The following BRWD1 variants were observed in gnomAD, a reference collection of about 807,000 sequenced individuals.
The protein encoded by BRWD1 is bromodomain and WD repeat domain containing 1.
In BRWD1, 82 loss-of-function variants were observed where a neutral mutation model predicts 251.2. The observed-to-expected ratio is 0.33, with a 90% CI of 0.27 to 0.39. The LOEUF is 0.39. BRWD1 is among the 10% of genes least tolerant of loss of function. The pLI is 1.00. For synonymous variants in BRWD1, 918 were observed against 902.8 expected (o/e 1.02, Z -0.30); for missense variants, 2,233 against 2,711.6 (o/e 0.82, Z 3.92).
chr21:39,219,071 G>A (rs2033067232), intron 29 of BRWD1, among the ~76,000 whole-genome samples: 1 of 151,842 alleles, frequency 6.6e-6, no homozygotes, highest in African/African-American at 2.4e-5. Flanking sequence ...CATGACAAAT[G>A]GCTAATTTTC....
At position 39,313,249 on chromosome 21, in the gene BRWD1, C is replaced by T; in HGVS notation, c.100G>A (p.Ala34Thr). Residue 34 changes from alanine (A) to threonine (T), a missense_variant, in exon 2 of 41, where the codon GCG (alanine) becomes ACG (threonine). This residue lies in a region of BRWD1 where 101 missense variants were observed against 95.6 expected (regional missense o/e 1.06). Transcript: ENST00000342449. Reference sequence around the variant, plus strand: ...CGCGGGCCCGCACTCACCTGGGCCGCTCTCCGACACGGGCCCGCCGATAGG... The same window carrying T: ...CGCGGGCCCGCACTCACCTGGGCCGTTCTCCGACACGGGCCCGCCGATAGG... Reference protein sequence around the residue: ...RYLSAGPCRRAAQVLVQELEQ... With the variant: ...RYLSAGPCRRTAQVLVQELEQ... The T allele has an allele frequency of 1.3e-6, 2 of 1,547,900 alleles. No homozygotes were observed. Among genetic ancestry groups the T allele is most frequent in the Non-Finnish European group, 1.8e-6 (2 of 1,142,620 alleles).
At chr21:39,216,037 G>A (rs2032877665) in intron 31 of BRWD1, among the ~76,000 whole-genome samples, 1 of 152,028 alleles carries the variant, frequency 6.6e-6, no homozygotes, top group Non-Finnish European at 1.5e-5. Flanking sequence ...AAGAGCTTCA[G>A]TTTCACTGTA....
intron 5 of BRWD1, chr21:39,296,689 G>T (rs767804536): frequency 2.5e-4 from 218 of 860,804 alleles, no homozygotes; most frequent in Non-Finnish European, 2.9e-4. Context: ...GGTAACTGAG[G>T]CTCAAAGGTT....
intron 11 of BRWD1, among the ~76,000 whole-genome samples, chr21:39,276,604 T>C (rs777173044): frequency 1.3e-5 from 2 of 152,208 alleles, no homozygotes; most frequent in Non-Finnish European, 2.9e-5. Context: ...TAAATCTGTA[T>C]CTATCAAATA....
In BRWD1 at chr21:39,188,534, TTTC is replaced by T. The variant is rs2031374385; in HGVS notation, c.*7722_*7724del. The T allele has an allele frequency of 1.0e-6, 1 of 985,320 alleles. No individual in the cohort carries two copies. Among genetic ancestry groups the T allele is most frequent in the Admixed American group, 6.1e-5 (1 of 16,266 alleles). 61.0% of individuals were successfully genotyped at this position (985,320 alleles called of 1,614,324 possible). A position where few individuals can be genotyped will look rare whatever the true frequency, so the allele number is the denominator to read the frequency against. On this transcript the variant is annotated 3_prime_UTR_variant, in exon 41 of 41. Coordinates refer to ENST00000342449, the MANE Select transcript of BRWD1 (RefSeq NM_033656.4). ...CCACCAATGCCAACCTTCTGAACTT[TTTC>T]TTCTGTGAAGATGTTTGCCCTTCTG...
At chr21:39,244,921 A>AATAAATATATATATATATATATATATAT (rs1330847340) in intron 21 of BRWD1, among the ~76,000 whole-genome samples, 83 of 112,458 alleles carry the variant, frequency 7.4e-4, no homozygotes, top group Non-Finnish European at 1.2e-3. Context: ...CTTTGGAAGA[A>AATAAATATATATATATATATATATATAT]ATATATATAT....
rs563466949 is a variant in BRWD1 at position 39,313,619 on chromosome 21, C to G, written c.-128G>C. 4.2e-6 allele frequency: 3 copies of G among 720,738 alleles called. No individual in the cohort carries two copies. The highest frequency in any genetic ancestry group is 7.9e-5 in the East Asian group (2 of 25,366). The allele number at this position is 720,738 out of a possible 1,614,324, so 44.6% of individuals were successfully genotyped here. A position where few individuals can be genotyped will look rare whatever the true frequency, so the allele number is the denominator to read the frequency against. On this transcript the variant is annotated 5_prime_UTR_variant, in exon 1 of 41. Transcript: ENST00000342449. ...GCCGCCGCCGCCGCCGCCGCCATACCGTGCGCGCCGCCTGGACCGACGCCT... is the reference window on the plus strand; with the variant it reads ...GCCGCCGCCGCCGCCGCCGCCATACGGTGCGCGCCGCCTGGACCGACGCCT...
In BRWD1 at chr21:39,312,892, C is replaced by T. The variant is rs1282810973; in HGVS notation, c.147G>A (p.Pro49=). 1 of 1,523,184 alleles carries T rather than the reference C, an allele frequency of 6.6e-7. No individual in the cohort carries two copies. The highest frequency in any genetic ancestry group is 8.8e-7 in the Non-Finnish European group (1 of 1,135,188). 94.4% of individuals were successfully genotyped at this position (1,523,184 alleles called of 1,614,324 possible). The change falls in exon 4 of 41, where the codon CCG becomes CCA. Residue 49 remains proline, a synonymous_variant. Coordinates refer to ENST00000342449, the MANE Select transcript of BRWD1 (RefSeq NM_033656.4). The part of the protein sequence containing the change: ...VQELEQYQLL[P]KRLDWEGNEH... ...CGTTGCCCTCCCAGTCCAATCTCTT[C>T]GGCAACAACTGGAAAGACACGAAAC...
chr21:39,292,074 C>T (rs7276259), intron 8 of BRWD1, among the ~76,000 whole-genome samples: 2,195 of 135,178 alleles, frequency 0.016, 55 homozygotes, highest in African/African-American at 0.058. Flanking sequence ...TCAGGAGTAC[C>T]GAGACTACAG....
chr21:39,244,921 A>ATATATATATATATATAT (rs2034125656), intron 21 of BRWD1, among the ~76,000 whole-genome samples: 1 of 112,522 alleles, frequency 8.9e-6, no homozygotes, highest in Non-Finnish European at 1.9e-5. Flanking sequence ...CTTTGGAAGA[A>ATATATATATATATATAT]ATATATATAT....
intron 19 of BRWD1, among the ~76,000 whole-genome samples, chr21:39,255,078 A>G (rs974624934): frequency 1.3e-5 from 2 of 152,186 alleles, no homozygotes; most frequent in African/African-American, 4.8e-5. Flanking sequence ...TTTCAAAATA[A>G]TACTGAAAGG....
intron 23 of BRWD1, among the ~76,000 whole-genome samples, chr21:39,233,925 CAGA>C (rs2033717045): frequency 6.6e-6 from 1 of 152,176 alleles, no homozygotes; most frequent in Non-Finnish European, 1.5e-5. Context: ...GAGGCTGAGG[CAGA>C]AGAACTGCTT....
At chr21:39,235,418 T>C (rs1405665228) in intron 23 of BRWD1, 3 of 153,424 alleles carry the variant, frequency 2.0e-5, no homozygotes, top group African/African-American at 7.2e-5. Flanking sequence ...TCTGTGTAAG[T>C]ATGTACGTCT....
chr21:39,282,354 A>AT (rs977456818), intron 8 of BRWD1, among the ~76,000 whole-genome samples: 3 of 152,142 alleles, frequency 2.0e-5, no homozygotes, highest in Non-Finnish European at 2.9e-5. Context: ...GAAATTATGG[A>AT]TTTTTTTTAA....
intron 17 of BRWD1, among the ~76,000 whole-genome samples, chr21:39,263,793 T>C (rs2034832093): frequency 6.6e-6 from 1 of 152,160 alleles, no homozygotes; most frequent in Non-Finnish European, 1.5e-5. Flanking sequence ...AAATTACTAT[T>C]AATTACAAAG....
In BRWD1 at chr21:39,238,548, C is replaced by A; in HGVS notation, c.2507G>T (p.Gly836Val). The A allele has an allele frequency of 1.2e-6, 2 of 1,613,604 alleles. 1 individual carries two copies. Among genetic ancestry groups the A allele is most frequent in the Non-Finnish European group, 1.7e-6 (2 of 1,179,684 alleles). Residue 836 changes from glycine to valine, a missense_variant, in exon 22 of 41, where the codon GGT becomes GTT. Physicochemically the swap from Gly to Val is moderately radical, Grantham distance 109. Coordinates refer to ENST00000342449, the MANE Select transcript of BRWD1 (RefSeq NM_033656.4). ...TTCATCCTCTTCTGAAGAACCAGAA[C>A]CTTCACTCTGATCACAGGAAGTCTC... ...RHETSCDQSE[G>V]SGSSEEDEWR...
chr21:39,297,669 G>T (rs537018751), intron 5 of BRWD1: 52 of 246,310 alleles, frequency 2.1e-4, no homozygotes, highest in African/African-American at 1.0e-3. Context: ...GGAACTAAGA[G>T]GGAGGGGTGT....
chr21:39,214,628 GA>G (rs1306934871), intron 32 of BRWD1, among the ~76,000 whole-genome samples: 1 of 151,824 alleles, frequency 6.6e-6, no homozygotes, highest in Non-Finnish European at 1.5e-5. Flanking sequence ...ATGGTACCAA[GA>G]TTTTTTTTTT....
intron 40 of BRWD1, among the ~76,000 whole-genome samples, 170 bp from the exon 41 acceptor site, chr21:39,197,585 G>C (rs8128734): frequency 6.6e-6 from 1 of 152,040 alleles, no homozygotes; most frequent in Non-Finnish European, 1.5e-5. Context: ...GCAAGGATAC[G>C]TTCTGAGAAA....
Sources: gnomAD v4.1 joint callset for allele counts (sites outside exome capture counted in the v4.1 genomes callset) on GRCh38, gnomAD v4.1.1 for gene constraint, gnomAD v4.1.1 regional missense constraint, MANE v1.5 for transcripts, NCBI Gene and HGNC (gene_info 2026-07-23, HGNC 2026-07-21) for gene names.